Variants in SEMA3E observed in about 807,000 individuals in gnomAD.
SEMA3E encodes the protein semaphorin-3E.
In SEMA3E, 49 loss-of-function variants were observed where a neutral mutation model predicts 93.6. The observed-to-expected ratio is 0.52, with a 90% CI of 0.42 to 0.66. SEMA3E has a LOEUF of 0.66. Ranked by LOEUF, SEMA3E falls within the 30% of genes least tolerant of loss-of-function variation. The pLI is 0.00. For synonymous variants in SEMA3E, 363 were observed against 330.7 expected (o/e 1.10, Z -1.06); for missense variants, 906 against 964.8 (o/e 0.94, Z 0.81).
Position 83,365,006 on chromosome 7 carries a change from C to A in SEMA3E, c.*2580G>T, listed in dbSNP as rs1794644692. On this transcript the variant is annotated 3_prime_UTR_variant, in exon 17 of 17. Transcript: ENST00000643230. ...AACAGATTCTGAATTTGAATTAATT[C>A]TAACCTCAGACAGAACAAAAGACTG... The A allele has an allele frequency of 6.6e-6, 1 of 152,168 alleles. No homozygotes were observed. Among genetic ancestry groups the A allele is most frequent in the Admixed American group, 6.5e-5 (1 of 15,270 alleles). The allele number at this position is 152,168 out of a possible 1,614,324, so 9.4% of individuals were successfully genotyped here. A position where few individuals can be genotyped will look rare whatever the true frequency, so the allele number is the denominator to read the frequency against.
At chr7:83,420,573 A>G (rs1311508305) in intron 4 of SEMA3E, among the ~76,000 whole-genome samples, 1 of 152,234 alleles carries the variant, frequency 6.6e-6, no homozygotes, top group Admixed American at 6.5e-5. Flanking sequence ...ACTTCAAACT[A>G]TAGTACAAGA....
At chr7:83,443,815 T>C (rs1584252430) in intron 4 of SEMA3E, among the ~76,000 whole-genome samples, 1 of 151,994 alleles carries the variant, frequency 6.6e-6, no homozygotes. Context: ...GAAGCATCTT[T>C]TATTGATTTA....
At chr7:83,438,119 C>T (rs921384524) in intron 4 of SEMA3E, among the ~76,000 whole-genome samples, 7 of 152,038 alleles carry the variant, frequency 4.6e-5, no homozygotes, top group South Asian at 2.1e-4. Context: ...AGGCAGTCTT[C>T]GTATGAATGT....
At chr7:83,581,079 T>C (rs1164192085) in intron 1 of SEMA3E, among the ~76,000 whole-genome samples, 6 of 151,996 alleles carry the variant, frequency 3.9e-5, no homozygotes, top group Admixed American at 3.3e-4. Context: ...TCCTAGGCTG[T>C]CAAAAGTAAC....
intron 5 of SEMA3E, among the ~76,000 whole-genome samples, chr7:83,410,974 T>C (rs1304373191): frequency 3.3e-5 from 5 of 152,004 alleles, no homozygotes; most frequent in African/African-American, 9.7e-5. Flanking sequence ...AAATCATGAG[T>C]TTTCTATTCT....
chr7:83,510,381 T>C (rs1310430005), intron 1 of SEMA3E, among the ~76,000 whole-genome samples: 2 of 152,228 alleles, frequency 1.3e-5, no homozygotes, highest in Non-Finnish European at 2.9e-5. Flanking sequence ...TTTAACTGTA[T>C]TGTGTATTGT....
At chr7:83,375,727 C>T (rs1434999928) in intron 16 of SEMA3E, among the ~76,000 whole-genome samples, 1 of 151,942 alleles carries the variant, frequency 6.6e-6, no homozygotes, top group African/African-American at 2.4e-5. Context: ...AGACTTAGAT[C>T]CATAACTGAT....
intron 1 of SEMA3E, among the ~76,000 whole-genome samples, chr7:83,524,713 T>C (rs910841096): frequency 6.6e-6 from 1 of 152,158 alleles, no homozygotes; most frequent in African/African-American, 2.4e-5. Flanking sequence ...TCTGTCTCTC[T>C]TTTTAAAATC....
intron 1 of SEMA3E, among the ~76,000 whole-genome samples, chr7:83,594,723 T>G (rs1792831120): frequency 6.6e-6 from 1 of 152,104 alleles, no homozygotes; most frequent in South Asian, 2.1e-4. Flanking sequence ...AAGAACCTGA[T>G]TTTAGTCTGT....
chr7:83,533,337 T>A (rs1438766993), intron 1 of SEMA3E, among the ~76,000 whole-genome samples: 1 of 151,778 alleles, frequency 6.6e-6, no homozygotes, highest in African/African-American at 2.4e-5. Flanking sequence ...AGGTTAGGAG[T>A]ACGAGACCAG....
rs1024595588 is a variant in SEMA3E, at chr7:83,364,141, G to A, written c.*3445C>T. ...GATCTCCTGACCTCATGATCCACCC[G>A]CCTCGGCCTCCCAAAGTGCTGGGAT... On this transcript the variant is annotated 3_prime_UTR_variant, in exon 17 of 17. Coordinates refer to ENST00000643230, the MANE Select transcript of SEMA3E (RefSeq NM_012431.3). The A allele has an allele frequency of 7.3e-5, 11 of 151,544 alleles. No homozygotes were observed. The highest frequency in any genetic ancestry group is 2.6e-4 in the Admixed American group (4 of 15,214). The allele number at this position is 151,544 out of a possible 1,614,324, so 9.4% of individuals were successfully genotyped here. A position where few individuals can be genotyped will look rare whatever the true frequency, so the allele number is the denominator to read the frequency against.
At chr7:83,379,456 G>A (rs1787733071) in intron 16 of SEMA3E, among the ~76,000 whole-genome samples, 1 of 151,830 alleles carries the variant, frequency 6.6e-6, no homozygotes, top group African/African-American at 2.4e-5. Flanking sequence ...TACATATAAA[G>A]CACTTAGAAT....
intron 1 of SEMA3E, among the ~76,000 whole-genome samples, chr7:83,572,078 A>G (rs1035697185): frequency 6.6e-6 from 1 of 152,208 alleles, no homozygotes; most frequent in Non-Finnish European, 1.5e-5. Flanking sequence ...TAGAGACAAC[A>G]TAAGTAAATG....
chr7:83,383,592 A>G (rs766234866), intron 16 of SEMA3E, among the ~76,000 whole-genome samples: 7 of 152,048 alleles, frequency 4.6e-5, no homozygotes, highest in Non-Finnish European at 5.9e-5. Context: ...TTCAAAGTCC[A>G]AATATCAGCA....
intron 11 of SEMA3E, among the ~76,000 whole-genome samples, chr7:83,397,969 C>T (rs1788157499): frequency 6.6e-6 from 1 of 152,084 alleles, no homozygotes; most frequent in Admixed American, 6.6e-5. Flanking sequence ...AAAGATAAGA[C>T]TCAAATGATT....
chr7:83,637,619 T>A (rs999868461), intron 1 of SEMA3E, among the ~76,000 whole-genome samples: 1 of 152,042 alleles, frequency 6.6e-6, no homozygotes, highest in African/African-American at 2.4e-5. Context: ...GATGGTTTTA[T>A]AAGGGGCTTT....
At chr7:83,569,269 T>C (rs541671268) in intron 1 of SEMA3E, among the ~76,000 whole-genome samples, 6 of 151,402 alleles carry the variant, frequency 4.0e-5, no homozygotes, top group Admixed American at 1.3e-4. Context: ...CCCAAGCTCA[T>C]TGATAACACA....
rs1385107176 is a variant in SEMA3E at position 83,387,041 on chromosome 7, C to A, written c.1677G>T (p.Arg559=). The change falls in exon 15 of 17, where the codon CGG becomes CGT. Residue 559 remains arginine (R), a synonymous_variant. Transcript: ENST00000643230. ...CATTTCCATGTCGAACATCTTGTCT[C>A]CGGAAACGCCTGAAAGAAAGTAAAT... ...PTGTHAKRRF[R]RQDVRHGNAA... is the part of the protein sequence containing the mutation. 2 of 1,613,088 alleles carry A rather than the reference C, an allele frequency of 1.2e-6. No individual in the cohort carries two copies. The highest frequency in any genetic ancestry group is 2.2e-5 in the South Asian group (2 of 91,038).
rs1022954069 is a variant in SEMA3E at position 83,367,455 on chromosome 7, A to T, written c.*131T>A. 1 of 911,024 alleles carries T rather than the reference A, an allele frequency of 1.1e-6. No individual in the cohort carries two copies. The highest frequency in any genetic ancestry group is 1.7e-5 in the African/African-American group (1 of 59,470). The allele number at this position is 911,024 out of a possible 1,614,324, so 56.4% of individuals were successfully genotyped here. A position where few individuals can be genotyped will look rare whatever the true frequency, so the allele number is the denominator to read the frequency against. ...TGAGTATGTAGAATAATTTATTATAACACCTTCATAGTCATTCCTGTATTA... is the reference window on the plus strand; with the variant it reads ...TGAGTATGTAGAATAATTTATTATATCACCTTCATAGTCATTCCTGTATTA... On this transcript the variant is annotated 3_prime_UTR_variant, in exon 17 of 17. Coordinates refer to ENST00000643230, the MANE Select transcript of SEMA3E (RefSeq NM_012431.3).
Sources: allele counts gnomAD v4.1 joint callset (sites outside exome capture counted in the v4.1 genomes callset), GRCh38; gene constraint gnomAD v4.1.1; transcripts MANE v1.5; gene names NCBI Gene and HGNC (gene_info 2026-07-23, HGNC 2026-07-21).